The following DLG2 variants were observed in gnomAD, a reference collection of about 807,000 sequenced individuals.
The protein encoded by DLG2 is discs large MAGUK scaffold protein 2.
Under a neutral mutation model 132.5 loss-of-function variants are expected in DLG2, and 45 were observed. The ratio of observed to expected loss-of-function variants is 0.34; its 90% CI spans 0.27 to 0.44. DLG2 has a LOEUF of 0.44. Among genes scored for constraint, DLG2 ranks in the 20% least tolerant of loss-of-function variants. The pLI is 1.00. For synonymous variants in DLG2, 424 were observed against 419.6 expected, an observed-to-expected ratio of 1.01 and a Z score of -0.13; for missense variants, 1,045 against 1,196.9, an observed-to-expected ratio of 0.87 and a Z score of 1.87.
At chr11:84,055,795 G>A (rs207472091) in intron 11 of DLG2, among the ~76,000 whole-genome samples, 1 of 151,912 alleles carries the variant, frequency 6.6e-6, no homozygotes, top group South Asian at 2.1e-4. Flanking sequence ...TATATTATAG[G>A]TGTTTTCCCC....
intron 6 of DLG2, among the ~76,000 whole-genome samples, chr11:84,689,949 TA>T (rs1231867729): frequency 2.0e-5 from 3 of 151,938 alleles, no homozygotes; most frequent in Non-Finnish European, 4.4e-5. Context: ...TAAGTGTATG[TA>T]AAAATGCTAC....
chr11:83,530,092 G>GTCTA (rs1368387747), intron 21 of DLG2, among the ~76,000 whole-genome samples: 29 of 151,972 alleles, frequency 1.9e-4, no homozygotes, highest in African/African-American at 6.8e-4. Flanking sequence ...CTGTCTGTCT[G>GTCTA]TCTGTCTATC....
intron 7 of DLG2, among the ~76,000 whole-genome samples, chr11:84,520,626 T>C (rs1427325185): frequency 6.6e-6 from 1 of 152,104 alleles, no homozygotes; most frequent in African/African-American, 2.4e-5. Flanking sequence ...CTCCTTTTTC[T>C]TTATCATGTG....
intron 4 of DLG2, among the ~76,000 whole-genome samples, chr11:85,240,128 T>C (rs2075803991): frequency 6.6e-6 from 1 of 151,946 alleles, no homozygotes; most frequent in Non-Finnish European, 1.5e-5. Flanking sequence ...TTAATTTGCT[T>C]TTGCCTGATT....
At chr11:84,885,542 T>C (rs139841916) in intron 6 of DLG2, among the ~76,000 whole-genome samples, 1 of 152,120 alleles carries the variant, frequency 6.6e-6, no homozygotes, top group Non-Finnish European at 1.5e-5. Flanking sequence ...GAAATCAGAG[T>C]TGGAAATAAG....
chr11:84,392,994 T>C (rs567829589), intron 7 of DLG2, among the ~76,000 whole-genome samples: 2 of 152,260 alleles, frequency 1.3e-5, no homozygotes, highest in East Asian at 1.9e-4. Context: ...TGGATGCAAA[T>C]AAAAAGACAT....
chr11:84,657,330 C>G (rs1595038124), intron 6 of DLG2, among the ~76,000 whole-genome samples: 2 of 152,082 alleles, frequency 1.3e-5, no homozygotes, highest in South Asian at 4.2e-4. Flanking sequence ...GATGGAATGA[C>G]TACAGACAGA....
At chr11:83,859,861 G>C (rs766403766) in intron 16 of DLG2, among the ~76,000 whole-genome samples, 1 of 152,132 alleles carries the variant, frequency 6.6e-6, no homozygotes, top group South Asian at 2.1e-4. Flanking sequence ...TCTTCCGTGT[G>C]CAGTCTAGGG....
At chr11:83,814,161 A>G (rs190609023) in intron 17 of DLG2, among the ~76,000 whole-genome samples, 3 of 152,298 alleles carry the variant, frequency 2.0e-5, no homozygotes, top group Non-Finnish European at 4.4e-5. Flanking sequence ...TAGATCATAC[A>G]TTCTTTTGGA....
chr11:84,512,335 C>T (rs2099259354), intron 7 of DLG2, among the ~76,000 whole-genome samples: 1 of 152,056 alleles, frequency 6.6e-6, no homozygotes, highest in Non-Finnish European at 1.5e-5. Flanking sequence ...CTTCTAGGAA[C>T]ATAGAGAGCA....
intron 6 of DLG2, among the ~76,000 whole-genome samples, chr11:84,571,793 T>G (rs1203415000): frequency 6.6e-6 from 1 of 152,078 alleles, no homozygotes; most frequent in African/African-American, 2.4e-5. Flanking sequence ...GCTCATAACT[T>G]TAGGGAACAG....
intron 6 of DLG2, among the ~76,000 whole-genome samples, chr11:85,049,997 T>C (rs982336763): frequency 3.3e-5 from 5 of 151,988 alleles, no homozygotes; most frequent in Admixed American, 6.6e-5. Flanking sequence ...CTATCAGAAA[T>C]TGTTAGGAGA....
At chr11:83,848,932 G>T (rs949336539) in intron 16 of DLG2, among the ~76,000 whole-genome samples, 1 of 152,164 alleles carries the variant, frequency 6.6e-6, no homozygotes, top group Non-Finnish European at 1.5e-5. Flanking sequence ...TGTTCCCAGA[G>T]CATTTTATTT....
chr11:84,970,018 G>T, intron 6 of DLG2, among the ~76,000 whole-genome samples: 1 of 152,062 alleles, frequency 6.6e-6, no homozygotes, highest in East Asian at 1.9e-4. Flanking sequence ...GGCCTTTTGT[G>T]GGGTGGGGGG....
At chr11:84,046,423 G>C (rs1232606117) in intron 11 of DLG2, among the ~76,000 whole-genome samples, 1 of 151,396 alleles carries the variant, frequency 6.6e-6, no homozygotes, top group Admixed American at 6.6e-5. Flanking sequence ...GAACTATGAA[G>C]AATAAAATTT....
chr11:84,135,442 T>C (rs1245583819), intron 9 of DLG2, among the ~76,000 whole-genome samples: 1 of 152,006 alleles, frequency 6.6e-6, no homozygotes, highest in Non-Finnish European at 1.5e-5. Context: ...TGGACAGGGG[T>C]CAGTAAATCT....
chr11:83,971,031 G>T (rs1047140567), intron 12 of DLG2, among the ~76,000 whole-genome samples: 1 of 152,154 alleles, frequency 6.6e-6, no homozygotes, highest in Non-Finnish European at 1.5e-5. Flanking sequence ...AAGATAAAGG[G>T]CCTACAGCTG....
At chr11:84,201,004 G>T (rs559004331) in intron 8 of DLG2, among the ~76,000 whole-genome samples, 1 of 152,262 alleles carries the variant, frequency 6.6e-6, no homozygotes, top group African/African-American at 2.4e-5. Context: ...TGCTGAGAGA[G>T]GGCATCCTTG....
intron 11 of DLG2, among the ~76,000 whole-genome samples, chr11:84,031,395 G>A (rs958769398): frequency 2.0e-5 from 3 of 152,090 alleles, no homozygotes; most frequent in Admixed American, 6.6e-5. Flanking sequence ...TTTTGCATTT[G>A]ACCGTGTTAA....
Sources: allele counts gnomAD v4.1 joint callset (sites outside exome capture counted in the v4.1 genomes callset), GRCh38; gene constraint gnomAD v4.1.1; transcripts MANE v1.5; gene names NCBI Gene and HGNC (gene_info 2026-07-23, HGNC 2026-07-21).